Variants in LRRC43 observed in about 807,000 individuals in gnomAD.
LRRC43 encodes leucine rich repeat containing 43.
LRRC43 carries 62 observed loss-of-function variants against 64.3 expected under a neutral mutation model. The ratio of observed to expected loss-of-function variants is 0.96; its 90% CI spans 0.79 to 1.19. The LOEUF (loss-of-function observed/expected upper bound fraction) is 1.19. Among genes scored for constraint, LRRC43 ranks in the 50% most tolerant of loss-of-function variants. LRRC43 has a pLI of 0.00. For missense variants in LRRC43, 868 were observed against 845.0 expected (o/e 1.03, Z -0.34); for synonymous variants, 422 against 382.3 (o/e 1.10, Z -1.21).
intron 1 of LRRC43, chr12:122,174,082 G>C: frequency 6.2e-7 from 1 of 1,613,782 alleles, no homozygotes; most frequent in Non-Finnish European, 8.5e-7. Context: ...CCAACCCTGG[G>C]GGTAGTGCTT....
upstream of LRRC43, chr12:122,183,101 C>T: frequency 6.6e-7 from 1 of 1,516,390 alleles, no homozygotes; most frequent in East Asian, 2.6e-5. Context: ...GCCCCTGCCC[C>T]CGCGCACGCG....
At position 122,183,157 on chromosome 12, in the gene LRRC43, TA is replaced by T. The variant is rs1475783828; in HGVS notation, c.14del (p.Tyr5SerfsTer23). 3.9e-6 allele frequency: 6 copies of T among 1,547,852 alleles called. No individual in the cohort carries two copies. In the South Asian group the frequency reaches 7.0e-5, roughly 18 times the overall value. On this transcript the variant is annotated frameshift_variant, in exon 1 of 12. Coordinates refer to ENST00000339777, the MANE Select transcript of LRRC43 (RefSeq NM_001098519.2). LOFTEE classifies it high-confidence loss of function. ...CGCGGCCCGGGCCATGGAGGCGTCGTACGAGTCCGAGTCCGAGTCCGAGTCT... is the reference window on the plus strand; with the variant it reads ...CGCGGCCCGGGCCATGGAGGCGTCGTCGAGTCCGAGTCCGAGTCCGAGTCT... MEAS[Y>X]ESESESESEA... is the part of the protein sequence containing the mutation.
At chr12:122,188,676 A>G (rs1422753747) in intron 4 of LRRC43, among the ~76,000 whole-genome samples, 2 of 150,666 alleles carry the variant, frequency 1.3e-5, no homozygotes, top group East Asian at 2.0e-4. Flanking sequence ...CCTGACCTCA[A>G]GTGATCCACT....
rs762604527 is a variant in LRRC43, at chr12:122,191,525, TGAA to T, written c.1052_1054del (p.Glu351del). On this transcript the variant is annotated inframe_deletion, in exon 6 of 12. Transcript: ENST00000339777. ...ACGTGACCTATGATTTTGTGAAAGA[TGAA>T]GAAGGCGAAATGAATGAGTCCGCGG... 3.2e-5 allele frequency: 51 copies of T among 1,614,116 alleles called. No homozygotes were observed. In the East Asian group the frequency reaches 1.1e-3, roughly 36 times the overall value.
At chr12:122,181,059 T>C (rs1953576616), upstream of LRRC43, among the ~76,000 whole-genome samples, 1 of 151,184 alleles carries the variant, frequency 6.6e-6, no homozygotes, top group Non-Finnish European at 1.5e-5. Context: ...GTACTAAAAA[T>C]ACAAAAAAAT....
chr12:122,173,279 A>G lies in LRRC43; in HGVS notation c.-406+5497A>G, dbSNP rs1167058873. Among the ~76,000 whole-genome samples the G allele has an allele frequency of 2.6e-5, 4 of 152,248 alleles. No individual in the cohort carries two copies. The South Asian group carries it at 6.2e-4, about 24-fold the overall frequency. On this transcript the variant is annotated intron_variant, in intron 1 of 5. Coordinates refer to the LRRC43 transcript ENST00000537729. ...TGCCCAGTCATCTTGGGTTGGTAAC[A>G]ACCTCTGCCTTTTATAAAAGCCAAG...
At chr12:122,176,051 C>T (rs922813393) in intron 1 of LRRC43, among the ~76,000 whole-genome samples, 1 of 152,150 alleles carries the variant, frequency 6.6e-6, no homozygotes, top group Non-Finnish European at 1.5e-5. Flanking sequence ...GAGTTCCTGC[C>T]CTTGTGGGCC....
chr12:122,192,389 G>C (rs1953728625), intron 6 of LRRC43, among the ~76,000 whole-genome samples: 1 of 151,990 alleles, frequency 6.6e-6, no homozygotes, highest in African/African-American at 2.4e-5. Context: ...GCCTGCCTCG[G>C]CCTCCCAAAG....
At chr12:122,203,286 G>T (rs1375554204) in intron 11 of LRRC43, 29 bp from the exon 12 acceptor site, 12 of 1,604,562 alleles carry the variant, frequency 7.5e-6, no homozygotes, top group Non-Finnish European at 1.0e-5. Context: ...CGTCTCCCGG[G>T]GCTCATGCTC....
intron 6 of LRRC43, 112 bp downstream of exon 6, chr12:122,191,679 G>T: frequency 1.2e-6 from 1 of 859,656 alleles, no homozygotes. Flanking sequence ...TATTGAGGAG[G>T]AGTCTCGCTC....
intron 11 of LRRC43, among the ~76,000 whole-genome samples, chr12:122,202,896 A>C (rs1953859211): frequency 6.6e-6 from 1 of 152,168 alleles, no homozygotes; most frequent in Non-Finnish European, 1.5e-5. Context: ...GTTCGAGACC[A>C]GGCTGGCCAA....
intron 4 of LRRC43, 154 bp from the exon 5 acceptor site, chr12:122,189,976 C>T (rs1260806816): frequency 1.4e-6 from 1 of 704,042 alleles, no homozygotes; most frequent in Non-Finnish European, 2.5e-6. Flanking sequence ...TCGTTCCCGA[C>T]CCGGGGTTAA....
intron 11 of LRRC43, chr12:122,202,190 G>A (rs1314163208): frequency 6.6e-6 from 1 of 151,092 alleles, no homozygotes; most frequent in African/African-American, 2.5e-5. Flanking sequence ...TGTGGGTTAA[G>A]ATGGCCTTAA....
Position 122,200,886 on chromosome 12 carries a change from C to T in LRRC43, c.1761C>T (p.Asn587=). Residue 587 remains asparagine, a synonymous_variant, in exon 10 of 12, where the codon AAC becomes AAT. Transcript: ENST00000339777. The surrounding 1 kb of genome is among the most constrained non-coding windows in gnomAD (Gnocchi z 4.6). ...AGEPLVSTVC[N]FGVVRTLTSD... ...AGCCCCTGGTGTCCACCGTGTGCAA[C>T]TTCGGCGTGGTCCGCACATTGACAT... 1.2e-6 allele frequency: 2 copies of T among 1,612,408 alleles called. No homozygotes were observed. Among genetic ancestry groups the T allele is most frequent in the Non-Finnish European group, 8.5e-7 (1 of 1,179,546 alleles).
chr12:122,172,529 C>T, intron 1 of LRRC43: 1 of 1,613,914 alleles, frequency 6.2e-7, no homozygotes, highest in Non-Finnish European at 8.5e-7. Context: ...TGTCTGTTGG[C>T]ACAGAAATGT....
At chr12:122,186,452 A>G (rs549503107) in intron 3 of LRRC43, among the ~76,000 whole-genome samples, 152 bp downstream of exon 3, 7 of 152,338 alleles carry the variant, frequency 4.6e-5, no homozygotes, top group African/African-American at 1.7e-4. Context: ...GAAAAGTTCA[A>G]CATAGAATAA....
At chr12:122,174,844 C>CT (rs765071459) in intron 1 of LRRC43, among the ~76,000 whole-genome samples, 24,115 of 142,282 alleles carry the variant, frequency 0.17, 2,187 homozygotes, top group Admixed American at 0.25. Context: ...TATCTTTTTT[C>CT]TTTTTTTTTT....
chr12:122,175,891 T>G (rs1277174674), intron 1 of LRRC43, among the ~76,000 whole-genome samples: 1 of 152,156 alleles, frequency 6.6e-6, no homozygotes, highest in Non-Finnish European at 1.5e-5. Context: ...GGCCTCTATC[T>G]CCTGACCTCA....
Position 122,184,421 on chromosome 12 carries a change from C to T in LRRC43, c.151-98C>T, listed in dbSNP as rs1239768003. 4.9e-6 allele frequency: 7 copies of T among 1,440,056 alleles called. No individual in the cohort carries two copies. Among genetic ancestry groups the T allele is most frequent in the Non-Finnish European group, 3.7e-6 (4 of 1,069,506 alleles). 89.2% of individuals were successfully genotyped at this position (1,440,056 alleles called of 1,614,324 possible). A position where few individuals can be genotyped will look rare whatever the true frequency, so the allele number is the denominator to read the frequency against. On this transcript the variant is annotated intron_variant, in intron 1 of 11. Transcript: ENST00000339777. This position sits in a 1 kb window ranked among gnomAD's most constrained non-coding sequence, Gnocchi z 4.0. ...CTCTCTAGATTTCTAAACTCTATCC[C>T]TAATCGTCCAGTTTTATGATCTGTT...
Sources: gnomAD v4.1 joint callset for allele counts (sites outside exome capture counted in the v4.1 genomes callset) on GRCh38, gnomAD v4.1.1 for gene constraint, Gnocchi (gnomAD v3.1) non-coding constraint, MANE v1.5 for transcripts, NCBI Gene and HGNC (gene_info 2026-07-23, HGNC 2026-07-21) for gene names.